The following MDFIC2 variants were observed in gnomAD, a reference collection of about 807,000 sequenced individuals.
The protein encoded by MDFIC2 is MyoD family inhibitor domain containing 2, also known as myoD family inhibitor domain-containing protein 2.
At chr3:70,217,421 A>T (rs1701425943) in intron 2 of MDFIC2, among the ~76,000 whole-genome samples, 1 of 152,192 alleles carries the variant, frequency 6.6e-6, no homozygotes, top group Admixed American at 6.6e-5. Flanking sequence ...AGCTTTTAAT[A>T]TAATTTGCTA....
At chr3:70,271,511 CTATT>C (rs1701975361) in intron 2 of MDFIC2, among the ~76,000 whole-genome samples, 4 of 152,274 alleles carry the variant, frequency 2.6e-5, no homozygotes, top group Admixed American at 2.6e-4. Flanking sequence ...TTTTGCTTAA[CTATT>C]TAACAAACAT....
At position 70,195,857 on chromosome 3, in the gene MDFIC2, A is replaced by G. The variant is rs1041295413; in HGVS notation, c.*1069T>C. Among the ~76,000 whole-genome samples the G allele has an allele frequency of 1.1e-4, 17 of 152,228 alleles. No individual in the cohort carries two copies. Among genetic ancestry groups the G allele is most frequent in the Admixed American group, 7.9e-4 (12 of 15,286 alleles). On this transcript the variant is annotated 3_prime_UTR_variant, in exon 4 of 4. Transcript: ENST00000567252. ...TTTTCACCACAAACTGTTTAAACTT[A>G]TTTGAGTCGAAAATCACTTTCCAGT...
At chr3:70,299,293 A>G (rs1455469378) in intron 2 of MDFIC2, among the ~76,000 whole-genome samples, 1 of 150,872 alleles carries the variant, frequency 6.6e-6, no homozygotes, top group Non-Finnish European at 1.5e-5. Context: ...TTGCATAATC[A>G]TATTTTATTA....
At chr3:70,260,763 T>C (rs73119969) in intron 2 of MDFIC2, among the ~76,000 whole-genome samples, 9,521 of 151,964 alleles carry the variant, frequency 0.063, 362 homozygotes, top group South Asian at 0.12. Flanking sequence ...ATGAACTCAC[T>C]TCTCAATTAT....
chr3:70,260,383 A>G (rs1410863669), intron 2 of MDFIC2, among the ~76,000 whole-genome samples: 1 of 152,082 alleles, frequency 6.6e-6, no homozygotes, highest in East Asian at 1.9e-4. Context: ...AAGTTAGCTA[A>G]TTACATCTGC....
chr3:70,294,318 C>T (rs980361155), intron 2 of MDFIC2, among the ~76,000 whole-genome samples: 1 of 152,060 alleles, frequency 6.6e-6, no homozygotes, highest in African/African-American at 2.4e-5. Flanking sequence ...CATGAATAGA[C>T]CTTGTAGTAC....
intron 3 of MDFIC2, 141 bp from the exon 4 acceptor site, chr3:70,197,326 C>G (rs898656823): frequency 2.0e-5 from 8 of 396,670 alleles, no homozygotes; most frequent in African/African-American, 1.4e-4. Context: ...CACCCTTCTT[C>G]TCTCAAGCTC....
chr3:70,240,705 C>T (rs1360143539), intron 2 of MDFIC2, among the ~76,000 whole-genome samples: 1 of 152,058 alleles, frequency 6.6e-6, no homozygotes, highest in Non-Finnish European at 1.5e-5. Flanking sequence ...TTTCACCTGG[C>T]TAAACATGGT....
chr3:70,247,097 G>A (rs374884486), intron 2 of MDFIC2, among the ~76,000 whole-genome samples: 119 of 151,898 alleles, frequency 7.8e-4, no homozygotes, highest in East Asian at 3.9e-4. Context: ...AGTACCAAGC[G>A]CATGGTAGAA....
At chr3:70,213,518 A>G (rs1267396102) in intron 2 of MDFIC2, among the ~76,000 whole-genome samples, 1 of 152,124 alleles carries the variant, frequency 6.6e-6, no homozygotes, top group African/African-American at 2.4e-5. Flanking sequence ...TTAGTACTGT[A>G]GTTATCCGTG....
intron 3 of MDFIC2, among the ~76,000 whole-genome samples, chr3:70,198,170 G>T (rs932100789): frequency 6.6e-6 from 1 of 152,112 alleles, no homozygotes; most frequent in East Asian, 1.9e-4. Context: ...GTAATCTGAA[G>T]ATTATTGATG....
chr3:70,234,689 T>A (rs1392527480), intron 2 of MDFIC2, among the ~76,000 whole-genome samples: 1 of 151,952 alleles, frequency 6.6e-6, no homozygotes, highest in African/African-American at 2.4e-5. Context: ...TGGTCACAAG[T>A]AATGGACACA....
At chr3:70,269,682 G>C (rs1701956119) in intron 2 of MDFIC2, among the ~76,000 whole-genome samples, 1 of 152,012 alleles carries the variant, frequency 6.6e-6, no homozygotes, top group South Asian at 2.1e-4. Context: ...AAATGTACTA[G>C]CTATATTTAA....
chr3:70,265,578 G>A (rs1701909961), intron 2 of MDFIC2, among the ~76,000 whole-genome samples: 1 of 152,054 alleles, frequency 6.6e-6, no homozygotes, highest in South Asian at 2.1e-4. Context: ...CATTATCAAG[G>A]TGCTTCATTA....
chr3:70,236,490 C>G (rs1701610274), intron 2 of MDFIC2, among the ~76,000 whole-genome samples: 1 of 152,118 alleles, frequency 6.6e-6, no homozygotes, highest in Non-Finnish European at 1.5e-5. Context: ...ATGTGTAAGC[C>G]TTCATGTATT....
At chr3:70,200,272 T>C (rs1253464388) in intron 3 of MDFIC2, among the ~76,000 whole-genome samples, 1 of 152,182 alleles carries the variant, frequency 6.6e-6, no homozygotes, top group Non-Finnish European at 1.5e-5. Context: ...TCAGTATTTT[T>C]AATTCTAAAT....
At chr3:70,295,379 C>A (rs574316186) in intron 2 of MDFIC2, among the ~76,000 whole-genome samples, 3 of 152,096 alleles carry the variant, frequency 2.0e-5, no homozygotes, top group Non-Finnish European at 4.4e-5. Flanking sequence ...AAACTCAACC[C>A]TTTGACTGAA....
At chr3:70,250,801 T>C (rs1271855273) in intron 2 of MDFIC2, among the ~76,000 whole-genome samples, 2 of 152,162 alleles carry the variant, frequency 1.3e-5, no homozygotes, top group East Asian at 1.9e-4. Context: ...CATAAACATA[T>C]GCATTTCTTC....
chr3:70,287,715 G>T (rs1311349351), intron 2 of MDFIC2, among the ~76,000 whole-genome samples: 2 of 151,862 alleles, frequency 1.3e-5, no homozygotes, highest in Non-Finnish European at 2.9e-5. Context: ...GTAAGCTATT[G>T]ATTATTGCCA....
Sources: gnomAD v4.1 joint callset for allele counts (sites outside exome capture counted in the v4.1 genomes callset) on GRCh38, gnomAD v4.1.1 for gene constraint, MANE v1.5 for transcripts, NCBI Gene and HGNC (gene_info 2026-07-23, HGNC 2026-07-21) for gene names.